MDH1B: variants seen among roughly 807,000 people sequenced by gnomAD.
The protein encoded by MDH1B is putative malate dehydrogenase 1B.
In MDH1B, 60 loss-of-function variants were observed where a neutral mutation model predicts 61.4. The observed-to-expected ratio is 0.98, with a 90% CI of 0.79 to 1.21. MDH1B has a LOEUF of 1.21. Ranked by LOEUF, MDH1B falls within the 50% of genes most tolerant of loss-of-function variation. The probability of loss-of-function intolerance (pLI) is 0.00; values close to 1 mark genes in which losing one functional copy is unlikely to be tolerated. For missense variants in MDH1B, 587 were observed against 632.1 expected (o/e 0.93, Z 0.76); for synonymous variants, 236 against 218.7 (o/e 1.08, Z -0.70).
chr2:206,739,656 C>G lies in MDH1B; in HGVS notation c.1465G>C (p.Glu489Gln), dbSNP rs1687697222. The G allele has an allele frequency of 6.2e-7, 1 of 1,613,700 alleles. No homozygotes were observed. The highest frequency in any genetic ancestry group is 8.5e-7 in the Non-Finnish European group (1 of 1,179,784). ...GTTTGAGGAATCTGATTTGGAAACT[C>G]TGCTGCTGCAAATAGAGTTAAAAGA... Reference protein sequence around the residue: ...EKNLAMSDAAEFPNQIPQTTF... With the variant: ...EKNLAMSDAAQFPNQIPQTTF... Residue 489 changes from glutamate (E) to glutamine (Q), a missense_variant, in exon 11 of 12, where the codon GAG becomes CAG. Physicochemically the swap from Glu to Gln is conservative, Grantham distance 29 (BLOSUM62 2). Coordinates refer to ENST00000374412, the MANE Select transcript of MDH1B (RefSeq NM_001039845.3).
chr2:206,748,424 G>A (rs1230967990), intron 7 of MDH1B, among the ~76,000 whole-genome samples: 1 of 152,174 alleles, frequency 6.6e-6, no homozygotes, highest in Non-Finnish European at 1.5e-5. Flanking sequence ...AGTTTTTAGC[G>A]GATTAAAACA....
intron 9 of MDH1B, among the ~76,000 whole-genome samples, chr2:206,744,693 G>A (rs987871383): frequency 2.0e-5 from 3 of 152,142 alleles, no homozygotes; most frequent in Non-Finnish European, 4.4e-5. Context: ...TTGGGAGGCT[G>A]AGGTGGGTGG....
intron 6 of MDH1B, among the ~76,000 whole-genome samples, chr2:206,750,557 C>T (rs1413945819): frequency 6.6e-6 from 1 of 151,710 alleles, no homozygotes; most frequent in Non-Finnish European, 1.5e-5. Flanking sequence ...ACAGAATGCC[C>T]AGCCTGGCCT....
chr2:206,760,350 C>A (rs2105953984), intron 2 of MDH1B, among the ~76,000 whole-genome samples: 1 of 152,316 alleles, frequency 6.6e-6, no homozygotes, highest in Middle Eastern at 3.4e-3. Flanking sequence ...GCTCAGCTAC[C>A]TTGCCTCAGT....
At chr2:206,739,682 A>G in intron 10 of MDH1B, 21 bp from the exon 11 acceptor site, 1 of 1,611,384 alleles carries the variant, frequency 6.2e-7, no homozygotes, top group Non-Finnish European at 8.5e-7. Flanking sequence ...AGTTAAAAGA[A>G]TAGTTTTTAG....
At position 206,739,640 on chromosome 2, in the gene MDH1B, A is replaced by G; in HGVS notation, c.1481T>C (p.Ile494Thr). The change falls in exon 11 of 12, where the codon ATT becomes ACT. Residue 494 changes from isoleucine to threonine, a missense_variant. By Grantham distance (89) the Ile-to-Thr change is moderately conservative. Coordinates refer to ENST00000374412, the MANE Select transcript of MDH1B (RefSeq NM_001039845.3). ...MSDAAEFPNQ[I>T]PQTTFEKPQS... is the part of the protein sequence containing the mutation. ...TGGCTTTTCAAAGGTGGTTTGAGGA[A>G]TCTGATTTGGAAACTCTGCTGCTGC... 1 of 1,614,064 alleles carries G rather than the reference A, an allele frequency of 6.2e-7. No homozygotes were observed. Among genetic ancestry groups the G allele is most frequent in the South Asian group, 1.1e-5 (1 of 91,088 alleles).
Position 206,755,467 on chromosome 2 carries a change from A to G in MDH1B, c.452T>C (p.Leu151Ser). The G allele has an allele frequency of 6.2e-7, 1 of 1,614,060 alleles. No individual in the cohort carries two copies. Among genetic ancestry groups the G allele is most frequent in the African/African-American group, 1.3e-5 (1 of 75,072 alleles). Residue 151 changes from leucine (L) to serine (S), a missense_variant, in exon 5 of 12, where the codon TTG (leucine) becomes TCG (serine). By Grantham distance (145) the Leu-to-Ser change is moderately radical. Coordinates refer to ENST00000374412, the MANE Select transcript of MDH1B (RefSeq NM_001039845.3). Reference protein sequence around the residue: ...APACYNLIPILTSGEVFGMHT... With the variant: ...APACYNLIPISTSGEVFGMHT... ...CATCCCAAACACTTCGCCACTCGTC[A>G]ATATGGGAATTAGGTTGTAGCAGGC...
chr2:206,740,614 G>C (rs1449639383), intron 10 of MDH1B, among the ~76,000 whole-genome samples: 1 of 152,090 alleles, frequency 6.6e-6, no homozygotes, highest in South Asian at 2.1e-4. Context: ...TATATGATGA[G>C]ATATATATAC....
At chr2:206,758,529 G>T (rs1688892906) in intron 2 of MDH1B, among the ~76,000 whole-genome samples, 1 of 152,170 alleles carries the variant, frequency 6.6e-6, no homozygotes, top group South Asian at 2.1e-4. Context: ...ACTTTGGGAG[G>T]CCGAGGCGGG....
Position 206,755,253 on chromosome 2 carries a change from C to A in MDH1B, c.666G>T (p.Val222=). 6.2e-7 allele frequency: 1 copy of A among 1,614,172 alleles called. No homozygotes were observed. Among genetic ancestry groups the A allele is most frequent in the Middle Eastern group, 1.6e-4 (1 of 6,062 alleles). The change falls in exon 5 of 12, where the codon GTG becomes GTT. Residue 222 remains valine, a synonymous_variant. Coordinates refer to ENST00000374412, the MANE Select transcript of MDH1B (RefSeq NM_001039845.3). Reference sequence around the variant, plus strand: ...TTCGGAGGCAGTCCTCCAGAGTGAACACCTCCTTGTTGGTGCTGTCATCCA... The same window carrying A: ...TTCGGAGGCAGTCCTCCAGAGTGAAAACCTCCTTGTTGGTGCTGTCATCCA... ...VVLDDSTNKE[V]FTLEDCLRSR...
At position 206,755,205 on chromosome 2, in the gene MDH1B, G is replaced by C. The variant is rs760489297; in HGVS notation, c.714C>G (p.Leu238=). ...CATTTTTCTCTATCAGGTACCCATAGAGCCTGCAGAGAGGCACCCTGCTTC... is the reference window on the plus strand; with the variant it reads ...CATTTTTCTCTATCAGGTACCCATACAGCCTGCAGAGAGGCACCCTGCTTC... ...CLRSRVPLCR[L]YGYLIEKNAH... The change falls in exon 5 of 12, where the codon CTC becomes CTG. Residue 238 remains leucine (L), a synonymous_variant. Coordinates refer to ENST00000374412, the MANE Select transcript of MDH1B (RefSeq NM_001039845.3). 1.2e-6 allele frequency: 2 copies of C among 1,614,178 alleles called. No individual in the cohort carries two copies. Among genetic ancestry groups the C allele is most frequent in the Admixed American group, 1.7e-5 (1 of 60,026 alleles).
intron 1 of MDH1B, among the ~76,000 whole-genome samples, chr2:206,763,012 C>T (rs969584287): frequency 6.6e-6 from 1 of 151,986 alleles, no homozygotes; most frequent in Non-Finnish European, 1.5e-5. Flanking sequence ...ATTCCCTTGG[C>T]TTCAAGTAGC....
rs368123795 is a variant in MDH1B, at chr2:206,757,339, C to T, written c.168G>A (p.Lys56=). 9.9e-6 allele frequency: 16 copies of T among 1,613,778 alleles called. No individual in the cohort carries two copies. The African/African-American group carries it at 2.0e-4, about 20-fold the overall frequency. The change falls in exon 3 of 12, where the codon AAG becomes AAA. Residue 56 remains lysine (K), a synonymous_variant. Transcript: ENST00000374412. ...TGATAGGGGAATTCTTGTGACTCCA[C>T]TTATTCTTTTCACACACATCTTTTA... ...DWLKDVCEKN[K]WSHKNSPIIW... is the part of the protein sequence containing the mutation.
chr2:206,763,432 G>A (rs949680905), intron 1 of MDH1B, among the ~76,000 whole-genome samples: 1 of 151,868 alleles, frequency 6.6e-6, no homozygotes, highest in East Asian at 1.9e-4. Context: ...TGCCACTCTA[G>A]GCCAGGTCAC....
In MDH1B at chr2:206,755,070, C is replaced by A. The variant is rs148820365; in HGVS notation, c.849G>T (p.Ala283=). ...PRIAHNIIAV[A]LGVEGEAKAI... ...CTTTCGCTTCACCTTCCACCCCCAG[C>A]GCCACAGCAATAATGTTGTGTGCAA... Residue 283 remains alanine, a synonymous_variant, in exon 5 of 12, where the codon GCG becomes GCT. Transcript: ENST00000374412. The A allele has an allele frequency of 6.2e-7, 1 of 1,614,212 alleles. No homozygotes were observed. Among genetic ancestry groups the A allele is most frequent in the Admixed American group, 1.7e-5 (1 of 60,028 alleles).
intron 5 of MDH1B, among the ~76,000 whole-genome samples, chr2:206,751,368 T>C (rs1159733663): frequency 6.6e-6 from 1 of 152,130 alleles, no homozygotes; most frequent in Non-Finnish European, 1.5e-5. Context: ...ATTTCACTGG[T>C]GTTTGTCCTG....
chr2:206,740,789 A>G (rs561527223), intron 10 of MDH1B, among the ~76,000 whole-genome samples: 2 of 152,314 alleles, frequency 1.3e-5, no homozygotes, highest in African/African-American at 4.8e-5. Flanking sequence ...AAAGGTGAGA[A>G]GCAAGAGATA....
At chr2:206,753,304 T>C (rs1384119703) in intron 5 of MDH1B, among the ~76,000 whole-genome samples, 1 of 152,202 alleles carries the variant, frequency 6.6e-6, no homozygotes, top group Non-Finnish European at 1.5e-5. Context: ...TTTGTATTTT[T>C]TTGAGTCAAG....
At chr2:206,764,430 G>A (rs1254130400) in intron 1 of MDH1B, among the ~76,000 whole-genome samples, 1 of 152,184 alleles carries the variant, frequency 6.6e-6, no homozygotes, top group Non-Finnish European at 1.5e-5. Flanking sequence ...GTTTCTGTCA[G>A]GAAGCAGAAG....
Sources: gnomAD v4.1 joint callset for allele counts (sites outside exome capture counted in the v4.1 genomes callset) on GRCh38, gnomAD v4.1.1 for gene constraint, MANE v1.5 for transcripts, NCBI Gene and HGNC (gene_info 2026-07-23, HGNC 2026-07-21) for gene names.